Variants in PDE1A observed in about 807,000 individuals in gnomAD.
PDE1A encodes the protein phosphodiesterase 1A.
A neutral mutation model predicts 61.7 loss-of-function variants in PDE1A; 35 were observed. That is an observed-to-expected ratio of 0.57 (90% CI 0.43 to 0.75). PDE1A has a LOEUF of 0.75. Among genes scored for constraint, PDE1A ranks in the 30% least tolerant of loss-of-function variants. The pLI is 0.00. For missense variants in PDE1A, 597 were observed against 630.6 expected (o/e 0.95, Z 0.57); for synonymous variants, 232 against 213.2 (o/e 1.09, Z -0.77).
chr2:182,564,898 C>A, the PDE1A span, among the ~76,000 whole-genome samples: 1 of 152,168 alleles, frequency 6.6e-6, no homozygotes, highest in Non-Finnish European at 1.5e-5. Context: ...TGGCTTTCAG[C>A]TCCATCAGCT....
intron 2 of PDE1A, among the ~76,000 whole-genome samples, chr2:182,254,742 C>T (rs1023892527): frequency 6.6e-6 from 1 of 152,124 alleles, no homozygotes. Context: ...CCACCACATC[C>T]CACACAAACC....
chr2:182,607,588 A>G, the PDE1A span, among the ~76,000 whole-genome samples: 1 of 152,138 alleles, frequency 6.6e-6, no homozygotes, highest in Admixed American at 6.5e-5. Flanking sequence ...TGAATACTGT[A>G]TTTTCCATCC....
intron 2 of PDE1A, among the ~76,000 whole-genome samples, chr2:182,448,392 T>G (rs999262313): frequency 6.6e-6 from 1 of 152,060 alleles, no homozygotes; most frequent in Admixed American, 6.6e-5. Flanking sequence ...GAATTACCTT[T>G]GAATTATTCT....
the PDE1A span, among the ~76,000 whole-genome samples, chr2:182,651,337 G>C: frequency 6.6e-6 from 1 of 152,168 alleles, no homozygotes; most frequent in African/African-American, 2.4e-5. Context: ...TAGGGGGGTA[G>C]ATAATTTGAT....
At chr2:182,164,369 T>A (rs1392768718), downstream of PDE1A, among the ~76,000 whole-genome samples, 2 of 152,220 alleles carry the variant, frequency 1.3e-5, no homozygotes, top group South Asian at 2.1e-4. Context: ...GGTCAAGGAC[T>A]TGGAAGGAAC....
At chr2:182,187,110 G>A (rs1473902461) in intron 11 of PDE1A, among the ~76,000 whole-genome samples, 2 of 152,226 alleles carry the variant, frequency 1.3e-5, no homozygotes, top group Admixed American at 6.5e-5. Context: ...CTGCCAGTGT[G>A]TTAATATTTC....
chr2:182,491,792 A>C (rs992341238), intron 2 of PDE1A, among the ~76,000 whole-genome samples: 1 of 152,028 alleles, frequency 6.6e-6, no homozygotes, highest in Non-Finnish European at 1.5e-5. Flanking sequence ...CATTCTCCTT[A>C]TTGCTACTTA....
At chr2:182,704,537 T>C in the PDE1A span, among the ~76,000 whole-genome samples, 1 of 152,240 alleles carries the variant, frequency 6.6e-6, no homozygotes, top group Admixed American at 6.5e-5. Flanking sequence ...TCTTTGTTTA[T>C]ATGTGCTGTG....
the PDE1A span, among the ~76,000 whole-genome samples, chr2:182,621,420 G>A: frequency 7.9e-4 from 120 of 152,042 alleles, 2 homozygotes; most frequent in East Asian, 1.9e-3. Flanking sequence ...TGAGCCTTTT[G>A]GAAACACAAA....
the PDE1A span, among the ~76,000 whole-genome samples, chr2:182,545,978 C>T: frequency 7.2e-5 from 11 of 152,264 alleles, no homozygotes; most frequent in Middle Eastern, 3.4e-3. Context: ...AGAAGCAAGA[C>T]GAAAGTGACC....
At chr2:182,386,643 G>A (rs1168236194) in intron 1 of PDE1A, among the ~76,000 whole-genome samples, 3 of 150,768 alleles carry the variant, frequency 2.0e-5, no homozygotes, top group African/African-American at 4.9e-5. Flanking sequence ...GAGCCCCTCC[G>A]CCCGGCAGCC....
chr2:182,368,139 A>G (rs1344026968), intron 1 of PDE1A, among the ~76,000 whole-genome samples: 4 of 152,176 alleles, frequency 2.6e-5, no homozygotes, highest in African/African-American at 7.2e-5. Context: ...CTCACATTTA[A>G]TATCACCTCA....
the PDE1A span, among the ~76,000 whole-genome samples, chr2:182,582,710 G>T: frequency 6.6e-6 from 1 of 152,314 alleles, no homozygotes; most frequent in South Asian, 2.1e-4. Context: ...ACACATAGGA[G>T]AAAGCTTGAG....
At chr2:182,423,742 G>A (rs1559448997) in intron 1 of PDE1A, among the ~76,000 whole-genome samples, 5 of 151,886 alleles carry the variant, frequency 3.3e-5, no homozygotes, top group South Asian at 2.1e-4. Flanking sequence ...GATATGTCAC[G>A]TGAGGGCACA....
chr2:182,635,674 A>ATC, the PDE1A span, among the ~76,000 whole-genome samples: 353 of 141,992 alleles, frequency 2.5e-3, 1 homozygote, highest in African/African-American at 5.5e-3. Context: ...AAGAGTATCT[A>ATC]TCTCTCTCTC....
the PDE1A span, among the ~76,000 whole-genome samples, chr2:182,577,426 C>T: frequency 6.6e-6 from 1 of 152,172 alleles, no homozygotes; most frequent in Admixed American, 6.5e-5. Context: ...ACTCTTTCCC[C>T]CAGATGGCAA....
the PDE1A span, among the ~76,000 whole-genome samples, chr2:182,622,979 G>C: frequency 7.2e-5 from 11 of 152,108 alleles, no homozygotes; most frequent in African/African-American, 2.7e-4. Context: ...CCCAAAAGAG[G>C]ATATGGCTTA....
chr2:182,359,308 T>C (rs1699370563), intron 1 of PDE1A, among the ~76,000 whole-genome samples: 2 of 152,132 alleles, frequency 1.3e-5, no homozygotes, highest in African/African-American at 4.8e-5. Context: ...GGATAGTCTC[T>C]TAAAAAGCAA....
At chr2:182,680,231 T>C in the PDE1A span, among the ~76,000 whole-genome samples, 1 of 151,226 alleles carries the variant, frequency 6.6e-6, no homozygotes, top group Admixed American at 6.6e-5. Flanking sequence ...TTTTTTTTTT[T>C]GAGACAGGGT....
Sources: allele counts gnomAD v4.1 joint callset (sites outside exome capture counted in the v4.1 genomes callset), GRCh38; gene constraint gnomAD v4.1.1; transcripts MANE v1.5; gene names NCBI Gene and HGNC (gene_info 2026-07-23, HGNC 2026-07-21).